Variants in GCNT2 observed in about 807,000 individuals in gnomAD.
GCNT2 encodes the protein glucosaminyl (N-acetyl) transferase 2 (I blood group), also known as N-acetyllactosaminide beta-1,6-N-acetylglucosaminyl-transferase.
Under a neutral mutation model 34.2 loss-of-function variants are expected in GCNT2, and 34 were observed. The ratio of observed to expected loss-of-function variants is 1.00; its 90% CI spans 0.76 to 1.32. GCNT2 has a LOEUF of 1.32. Ranked by LOEUF, GCNT2 falls within the 40% of genes most tolerant of loss-of-function variation. The probability of loss-of-function intolerance (pLI) is 0.00; values close to 1 mark genes in which losing one functional copy is unlikely to be tolerated. For synonymous variants in GCNT2, 212 were observed against 188.0 expected, an observed-to-expected ratio of 1.13 and a Z score of -1.04; for missense variants, 584 against 489.4, an observed-to-expected ratio of 1.19 and a Z score of -1.82.
rs200584760 is a variant in GCNT2, at chr6:10,603,372, CT to C, written c.926-17972del. Among the ~76,000 whole-genome samples the C allele has an allele frequency of 4.8e-4, 73 of 152,224 alleles. 1 individual carries two copies. The highest frequency in any genetic ancestry group is 8.4e-4 in the Non-Finnish European group (57 of 68,008). On this transcript the variant is annotated intron_variant, in intron 3 of 4. Coordinates refer to ENST00000495262, the MANE Select transcript of GCNT2 (RefSeq NM_145649.5). The stretch of plus-strand genomic sequence containing the variant: ...GTTTTATGAAATGGTATTTTCTTCC[CT>C]TTTTTTCTGCCATTGGAAGAAAACT...
At chr6:10,563,131 G>A (rs754781938) in intron 3 of GCNT2, among the ~76,000 whole-genome samples, 2 of 152,178 alleles carry the variant, frequency 1.3e-5, no homozygotes, top group East Asian at 3.9e-4. Flanking sequence ...CTCCAGCCTG[G>A]GCAACAGAGT....
intron 3 of GCNT2, among the ~76,000 whole-genome samples, chr6:10,538,425 AAAAAAAAAAAAAAT>A (rs1488974619): frequency 7.7e-6 from 1 of 129,874 alleles, no homozygotes; most frequent in African/African-American, 3.8e-5. Flanking sequence ...AAAAAAAAAA[AAAAAAAAAAAAAAT>A]ATATATATAT....
chr6:10,569,468 T>C (rs1052160089), intron 3 of GCNT2, among the ~76,000 whole-genome samples: 1 of 152,120 alleles, frequency 6.6e-6, no homozygotes, highest in Non-Finnish European at 1.5e-5. Context: ...ATTATAAGCA[T>C]GAGCCACTGC....
chr6:10,593,276 C>T (rs1764724669), intron 3 of GCNT2, among the ~76,000 whole-genome samples: 1 of 152,190 alleles, frequency 6.6e-6, no homozygotes, highest in African/African-American at 2.4e-5. Flanking sequence ...CCAACTCATT[C>T]ATCCTCCTGT....
intron 4 of GCNT2, among the ~76,000 whole-genome samples, chr6:10,624,516 C>T (rs774373388): frequency 6.6e-6 from 1 of 152,208 alleles, no homozygotes; most frequent in Non-Finnish European, 1.5e-5. Context: ...ATCCCTCCCA[C>T]AACACATGGG....
At chr6:10,590,489 C>A (rs1052156957) in intron 3 of GCNT2, among the ~76,000 whole-genome samples, 23 of 151,742 alleles carry the variant, frequency 1.5e-4, no homozygotes, top group African/African-American at 5.6e-4. Context: ...ACCCTCATTT[C>A]TCTTTATTTG....
chr6:10,539,180 C>CTCTTTTTTTT (rs1554127323), intron 3 of GCNT2, among the ~76,000 whole-genome samples: 2 of 65,328 alleles, frequency 3.1e-5, no homozygotes, highest in East Asian at 1.1e-3. Context: ...CTCACCGTCT[C>CTCTTTTTTTT]TTTTTTTTTT....
chr6:10,616,071 G>A (rs1250457834), intron 3 of GCNT2, among the ~76,000 whole-genome samples: 2 of 152,206 alleles, frequency 1.3e-5, no homozygotes, highest in Admixed American at 6.5e-5. Context: ...CTTAAAAGCA[G>A]CGGGTCTGGA....
chr6:10,566,347 G>T (rs1395990797), intron 3 of GCNT2, among the ~76,000 whole-genome samples: 1 of 152,144 alleles, frequency 6.6e-6, no homozygotes, highest in African/African-American at 2.4e-5. Context: ...ACCCAGGCTG[G>T]AGTGCAGTGA....
chr6:10,612,778 C>T (rs973902279), intron 3 of GCNT2, among the ~76,000 whole-genome samples: 3 of 152,184 alleles, frequency 2.0e-5, no homozygotes, highest in Non-Finnish European at 4.4e-5. Flanking sequence ...GCTTGTCTCT[C>T]CGACTTCAAA....
intron 3 of GCNT2, among the ~76,000 whole-genome samples, chr6:10,583,537 G>T (rs1348285994): frequency 6.6e-6 from 1 of 152,124 alleles, no homozygotes; most frequent in Non-Finnish European, 1.5e-5. Context: ...CATTGGCTGC[G>T]AGATCGCTTG....
chr6:10,531,686 G>A (rs1442092603), intron 3 of GCNT2, among the ~76,000 whole-genome samples: 2 of 152,114 alleles, frequency 1.3e-5, no homozygotes, highest in Non-Finnish European at 2.9e-5. Flanking sequence ...AAAGTCTGGT[G>A]GGGAAAGCAC....
chr6:10,569,444 C>T (rs1219054663), intron 3 of GCNT2, among the ~76,000 whole-genome samples: 7 of 152,102 alleles, frequency 4.6e-5, no homozygotes, highest in Non-Finnish European at 2.9e-5. Flanking sequence ...ACCTCAGCCT[C>T]CCAAGTAGCT....
At position 10,536,705 on chromosome 6, in the gene GCNT2, CCT is replaced by C. The variant is rs1491378744; in HGVS notation, c.925+6870_925+6871del. On this transcript the variant is annotated intron_variant, in intron 3 of 4. Transcript: ENST00000495262. ...CAGAGAGTTGGGACACCTGTGAGTT[CCT>C]TTTTTTTTTTTTTTGAGATGGAGTC... Among the ~76,000 whole-genome samples the C allele has an allele frequency of 7.1e-4, 100 of 140,844 alleles. 1 individual carries two copies. Among genetic ancestry groups the C allele is most frequent in the Admixed American group, 2.2e-3 (32 of 14,454 alleles). The allele number at this position is 140,844 out of a possible 152,430, so 92.4% of individuals were successfully genotyped here. A position where few individuals can be genotyped will look rare whatever the true frequency, so the allele number is the denominator to read the frequency against.
chr6:10,568,298 A>G (rs1321383985), intron 3 of GCNT2, among the ~76,000 whole-genome samples: 2 of 151,812 alleles, frequency 1.3e-5, no homozygotes, highest in African/African-American at 4.8e-5. Context: ...CTTTCCACTC[A>G]CAGTCTCTGT....
intron 3 of GCNT2, among the ~76,000 whole-genome samples, chr6:10,541,146 C>G (rs1762019939): frequency 6.6e-6 from 1 of 152,178 alleles, no homozygotes; most frequent in South Asian, 2.1e-4. Flanking sequence ...TCTATTAGCT[C>G]TTCTTCCTGA....
intron 3 of GCNT2, among the ~76,000 whole-genome samples, chr6:10,560,959 G>C (rs1561800473): frequency 6.6e-6 from 1 of 152,084 alleles, no homozygotes; most frequent in Non-Finnish European, 1.5e-5. Flanking sequence ...CCTCCCTTCT[G>C]CTTACATTCT....
At chr6:10,582,838 T>C (rs959201510) in intron 3 of GCNT2, among the ~76,000 whole-genome samples, 2 of 152,004 alleles carry the variant, frequency 1.3e-5, no homozygotes, top group African/African-American at 4.8e-5. Flanking sequence ...CTAATGCTTA[T>C]GGAACATCTA....
At chr6:10,582,946 A>C (rs1213023129) in intron 3 of GCNT2, among the ~76,000 whole-genome samples, 2 of 152,106 alleles carry the variant, frequency 1.3e-5, no homozygotes, top group Non-Finnish European at 2.9e-5. Context: ...ATCTTTTCAC[A>C]GTGGGAGGAC....
Sources: gnomAD v4.1 joint callset for allele counts (sites outside exome capture counted in the v4.1 genomes callset) on GRCh38, gnomAD v4.1.1 for gene constraint, MANE v1.5 for transcripts, NCBI Gene and HGNC (gene_info 2026-07-23, HGNC 2026-07-21) for gene names.